Variants in THSD7B observed in about 807,000 individuals in gnomAD.
THSD7B encodes thrombospondin type-1 domain-containing protein 7B.
A neutral mutation model predicts 213.6 loss-of-function variants in THSD7B; 138 were observed. The observed-to-expected ratio is 0.65, with a 90% CI of 0.56 to 0.74. The LOEUF is 0.74. Among genes scored for constraint, THSD7B ranks in the 30% least tolerant of loss-of-function variants. The probability of loss-of-function intolerance (pLI) is 0.00; values close to 1 mark genes in which losing one functional copy is unlikely to be tolerated. For synonymous variants in THSD7B, 742 were observed against 687.0 expected (o/e 1.08, Z -1.25); for missense variants, 1,931 against 1,991.5 (o/e 0.97, Z 0.58).
chr2:137,269,403 G>A (rs749836825), intron 10 of THSD7B, among the ~76,000 whole-genome samples: 3 of 152,240 alleles, frequency 2.0e-5, no homozygotes, highest in East Asian at 3.8e-4. Context: ...GTGCACGTGT[G>A]TGCATGTGCA....
At chr2:137,459,214 A>G (rs1360381874) in intron 15 of THSD7B, among the ~76,000 whole-genome samples, 3 of 152,210 alleles carry the variant, frequency 2.0e-5, no homozygotes, top group Admixed American at 2.0e-4. Flanking sequence ...GTAAGATTCT[A>G]AATTGCATGC....
chr2:136,889,023 T>C (rs892155887), intron 2 of THSD7B, among the ~76,000 whole-genome samples: 1 of 151,708 alleles, frequency 6.6e-6, no homozygotes. Context: ...AAAGAGAAAA[T>C]ATGACCCATC....
At chr2:137,064,377 G>A (rs748833090) in intron 3 of THSD7B, among the ~76,000 whole-genome samples, 5 of 151,876 alleles carry the variant, frequency 3.3e-5, no homozygotes, top group Non-Finnish European at 7.4e-5. Context: ...CTATTGAGTT[G>A]TTTGAGCTTC....
intron 15 of THSD7B, among the ~76,000 whole-genome samples, chr2:137,550,318 A>G (rs1009631429): frequency 2.6e-5 from 4 of 152,026 alleles, no homozygotes; most frequent in Admixed American, 2.0e-4. Context: ...CATGCGCTTT[A>G]TAGGATCTGC....
chr2:137,086,425 G>T (rs1687843557), intron 3 of THSD7B, among the ~76,000 whole-genome samples: 1 of 151,966 alleles, frequency 6.6e-6, no homozygotes, highest in Non-Finnish European at 1.5e-5. Context: ...ACACCCCTTG[G>T]TTCCTAACTC....
chr2:137,617,678 T>C (rs558972863), intron 18 of THSD7B, among the ~76,000 whole-genome samples: 2 of 152,336 alleles, frequency 1.3e-5, no homozygotes, highest in African/African-American at 4.8e-5. Context: ...CTGGATGCTA[T>C]AACAAATTGC....
At chr2:136,948,422 T>A (rs1443572699) in intron 2 of THSD7B, among the ~76,000 whole-genome samples, 1 of 144,176 alleles carries the variant, frequency 6.9e-6, no homozygotes, top group Non-Finnish European at 1.5e-5. Flanking sequence ...CCATCCCCCA[T>A]ACCTTTCTTT....
At chr2:137,497,212 G>GAC (rs58249868) in intron 15 of THSD7B, among the ~76,000 whole-genome samples, 8,894 of 150,296 alleles carry the variant, frequency 0.059, 569 homozygotes, top group African/African-American at 0.15. Flanking sequence ...CACACACACA[G>GAC]ACACACACAC....
At chr2:137,276,146 T>C in intron 12 of THSD7B, 120 bp downstream of exon 12, 2 of 714,972 alleles carry the variant, frequency 2.8e-6, no homozygotes, top group Non-Finnish European at 4.4e-6. Flanking sequence ...GAATTATTCA[T>C]ATTTATTGAT....
chr2:137,341,181 A>G (rs1278629891), intron 12 of THSD7B, among the ~76,000 whole-genome samples: 1 of 151,368 alleles, frequency 6.6e-6, no homozygotes, highest in East Asian at 1.9e-4. Flanking sequence ...TTTAATTTGC[A>G]TTTCCCTAAT....
At chr2:137,308,312 C>G (rs1683805913) in intron 12 of THSD7B, among the ~76,000 whole-genome samples, 2 of 152,012 alleles carry the variant, frequency 1.3e-5, no homozygotes, top group Admixed American at 1.3e-4. Context: ...CTGTGAGCTT[C>G]CTGATCAGGT....
At chr2:137,627,622 T>G (rs1682655893) in intron 20 of THSD7B, among the ~76,000 whole-genome samples, 1 of 152,202 alleles carries the variant, frequency 6.6e-6, no homozygotes, top group Non-Finnish European at 1.5e-5. Flanking sequence ...TGACTCACAA[T>G]TAAAAAGGTG....
chr2:137,670,375 C>T (rs938660141), intron 27 of THSD7B, among the ~76,000 whole-genome samples: 2 of 152,148 alleles, frequency 1.3e-5, no homozygotes, highest in East Asian at 1.9e-4. Context: ...GCCCAAAAAA[C>T]TCTTTCAAAT....
At chr2:136,861,866 A>G (rs1683263668) in intron 1 of THSD7B, among the ~76,000 whole-genome samples, 1 of 152,210 alleles carries the variant, frequency 6.6e-6, no homozygotes, top group South Asian at 2.1e-4. Context: ...TTGAGGTTGC[A>G]GCTTGGGCAT....
At position 136,976,822 on chromosome 2, in the gene THSD7B, T is replaced by C. The variant is rs570505703; in HGVS notation, c.140-79598T>C. On this transcript the variant is annotated intron_variant, in intron 2 of 27. Transcript: ENST00000409968. ...ATTTTTAGTAGAGACGGGGTTTCAC[T>C]GTGTTAGCCAGGATAGTCTCAATCT... Among the ~76,000 whole-genome samples the C allele has an allele frequency of 1.1e-4, 17 of 152,026 alleles. 1 individual carries two copies. The East Asian group carries it at 3.3e-3, about 29-fold the overall frequency.
chr2:136,773,822 C>T (rs1306576531), intron 1 of THSD7B, among the ~76,000 whole-genome samples: 9 of 151,310 alleles, frequency 5.9e-5, no homozygotes, highest in Admixed American at 3.3e-4. Flanking sequence ...ACATAGTAGT[C>T]TTTGTGTATG....
chr2:137,366,401 A>T (rs947863923), intron 12 of THSD7B, among the ~76,000 whole-genome samples: 2 of 152,030 alleles, frequency 1.3e-5, no homozygotes, highest in African/African-American at 4.8e-5. Flanking sequence ...AATAAAAAAA[A>T]AAAGAATTTT....
At chr2:137,452,104 A>G (rs537201289) in intron 15 of THSD7B, 9 of 789,558 alleles carry the variant, frequency 1.1e-5, no homozygotes, top group Non-Finnish European at 1.4e-5. Context: ...CTAAGTTTTT[A>G]TAAAAGACAT....
chr2:137,600,544 C>G (rs1408896354), intron 17 of THSD7B, among the ~76,000 whole-genome samples: 1 of 152,124 alleles, frequency 6.6e-6, no homozygotes, highest in Admixed American at 6.5e-5. Context: ...TCAAGACCAG[C>G]CTGGCCAACA....
Sources: allele counts gnomAD v4.1 joint callset (sites outside exome capture counted in the v4.1 genomes callset), GRCh38; gene constraint gnomAD v4.1.1; transcripts MANE v1.5; gene names NCBI Gene and HGNC (gene_info 2026-07-23, HGNC 2026-07-21).